Variants in PRKRIP1 observed in about 807,000 individuals in gnomAD.
PRKRIP1 encodes PRKR interacting protein 1.
PRKRIP1 carries 29 observed loss-of-function variants against 29.3 expected under a neutral mutation model. The ratio of observed to expected loss-of-function variants is 0.99; its 90% confidence interval spans 0.74 to 1.35. The LOEUF is 1.35. Ranked by LOEUF, PRKRIP1 falls within the 40% of genes most tolerant of loss-of-function variation. PRKRIP1 has a pLI of 0.00. For missense variants in PRKRIP1, 247 were observed against 236.8 expected (o/e 1.04, Z -0.28); for synonymous variants, 90 against 85.1 (o/e 1.06, Z -0.32).
chr7:102,425,212 C>T lies in PRKRIP1; in HGVS notation c.*101C>T, dbSNP rs550782888. 2.3e-4 allele frequency: 354 copies of T among 1,528,368 alleles called. 1 individual carries two copies. In the African/African-American group the frequency reaches 4.4e-3, roughly 19 times the overall value. 94.7% of individuals were successfully genotyped at this position (1,528,368 alleles called of 1,614,324 possible). A position where few individuals can be genotyped will look rare whatever the true frequency, so the allele number is the denominator to read the frequency against. On this transcript the variant is annotated 3_prime_UTR_variant, in exon 6 of 6. Coordinates refer to ENST00000397912, the MANE Select transcript of PRKRIP1 (RefSeq NM_024653.4). Reference sequence around the variant, plus strand: ...TCTCCCCCGCAAGGACCCGCTGACCCGCTGGATGGAGAGCAAAGGAGACCC... The same window carrying T: ...TCTCCCCCGCAAGGACCCGCTGACCTGCTGGATGGAGAGCAAAGGAGACCC...
At chr7:102,397,518 C>A in intron 1 of PRKRIP1, 102 bp from the exon 2 acceptor site, 2 of 932,206 alleles carry the variant, frequency 2.1e-6, no homozygotes, top group African/African-American at 1.6e-5. Context: ...TGCACTCCAG[C>A]CTGAGGAACA....
At chr7:102,418,197 G>A (rs1285248255) in intron 5 of PRKRIP1, among the ~76,000 whole-genome samples, 2 of 151,656 alleles carry the variant, frequency 1.3e-5, no homozygotes, top group East Asian at 1.9e-4. Flanking sequence ...TTATAGGCAC[G>A]TGCCACCACA....
chr7:102,418,901 G>A lies in PRKRIP1; in HGVS notation c.458-6113G>A, dbSNP rs1468887000. 4.0e-5 allele frequency among the ~76,000 whole-genome samples: 6 copies of A among 151,670 alleles called. No individual in the cohort carries two copies. The East Asian group carries it at 7.8e-4, about 20-fold the overall frequency. ...ATTTGAGACGATGTTACATTTTATC[G>A]CCCAAGCTGGTCTTGAACTCCTGGG... On this transcript the variant is annotated intron_variant, in intron 5 of 5. Transcript: ENST00000397912.
At chr7:102,422,340 ATT>A (rs1196765456) in intron 5 of PRKRIP1, among the ~76,000 whole-genome samples, 1 of 143,960 alleles carries the variant, frequency 6.9e-6, no homozygotes, top group East Asian at 2.0e-4. Flanking sequence ...TGCCTGGCTA[ATT>A]TTTTTTTTTT....
At chr7:102,411,799 ATT>A (rs1192143891) in intron 5 of PRKRIP1, among the ~76,000 whole-genome samples, 1 of 63,848 alleles carries the variant, frequency 1.6e-5, no homozygotes, top group Non-Finnish European at 3.1e-5. Context: ...ACCAACACTT[ATT>A]TTCTGTTTTT....
At chr7:102,421,516 AG>A (rs1474982310) in intron 5 of PRKRIP1, among the ~76,000 whole-genome samples, 5 of 152,200 alleles carry the variant, frequency 3.3e-5, no homozygotes, top group Non-Finnish European at 7.4e-5. Flanking sequence ...TCAAAAAAAA[AG>A]GCCGGGTGTG....
intron 4 of PRKRIP1, among the ~76,000 whole-genome samples, 153 bp downstream of exon 4, chr7:102,404,836 C>A (rs1470865292): frequency 6.6e-6 from 1 of 152,106 alleles, no homozygotes; most frequent in Non-Finnish European, 1.5e-5. Flanking sequence ...AGAGCAAGTT[C>A]CTTATGACCC....
intron 1 of PRKRIP1, 126 bp downstream of exon 1, chr7:102,396,663 GA>G: frequency 4.8e-6 from 5 of 1,039,490 alleles, no homozygotes; most frequent in Non-Finnish European, 6.9e-6. Flanking sequence ...GACCCTCCAA[GA>G]GCAGTCTTTG....
rs189916958 is a variant in PRKRIP1, at chr7:102,423,349, C to T, written c.458-1665C>T. 1.1e-3 allele frequency: 387 copies of T among 367,856 alleles called. 1 individual carries two copies. The highest frequency in any genetic ancestry group is 2.0e-3 in the Admixed American group (60 of 29,364). 22.8% of individuals were successfully genotyped at this position (367,856 alleles called of 1,614,324 possible). ...CAGGCTGGTCTCAAACTCCTGACCT[C>T]GTGATCCATCCACCTCGGCCTCCCA... is the stretch of plus-strand genomic sequence containing the variant. On this transcript the variant is annotated intron_variant, in intron 5 of 5. Coordinates refer to ENST00000397912, the MANE Select transcript of PRKRIP1 (RefSeq NM_024653.4).
chr7:102,417,691 T>C (rs1554573298), intron 5 of PRKRIP1, among the ~76,000 whole-genome samples: 1 of 146,678 alleles, frequency 6.8e-6, no homozygotes, highest in Non-Finnish European at 1.5e-5. Flanking sequence ...CCATCATAGC[T>C]CACTGCATCC....
chr7:102,425,067 A>G lies in PRKRIP1; in HGVS notation c.511A>G (p.Thr171Ala). ...CAGCAGCTCTGCGGAGGCATCTGGA[A>G]CAGAGGAGGAGGAGGAAGTGCCCAG... ...GSSSSAEASG[T>A]EEEEEVPSFT... is the part of the protein sequence containing the mutation. Residue 171 changes from threonine to alanine, a missense_variant, in exon 6 of 6, where the codon ACA becomes GCA. Thr to Ala is a moderately conservative substitution (Grantham distance 58). Coordinates refer to ENST00000397912, the MANE Select transcript of PRKRIP1 (RefSeq NM_024653.4). 6.2e-7 allele frequency: 1 copy of G among 1,613,760 alleles called. No individual in the cohort carries two copies.
intron 2 of PRKRIP1, 108 bp downstream of exon 2, chr7:102,397,806 G>T: frequency 2.0e-6 from 2 of 979,002 alleles, no homozygotes; most frequent in Non-Finnish European, 3.1e-6. Flanking sequence ...AGCACTTTGG[G>T]AGGCCGAGGC....
chr7:102,399,548 G>T lies in PRKRIP1; in HGVS notation c.206G>T (p.Gly69Val). The T allele has an allele frequency of 6.2e-7, 1 of 1,613,640 alleles. No homozygotes were observed. Among genetic ancestry groups the T allele is most frequent in the Middle Eastern group, 1.7e-4 (1 of 6,060 alleles). The change falls in exon 3 of 6, where the codon GGT (glycine) becomes GTT (valine). Residue 69 changes from glycine (G) to valine (V), a missense_variant and splice_region_variant. Around this residue, in one of 3 missense-constraint regions of PRKRIP1, gnomAD observed 8 missense variants for 29.9 expected, o/e 0.27. Transcript: ENST00000397912. ...PPPEFVRDVM[G>V]SSAGAGSGEF... ...GAACTGTGGACTGTTCTGGCTACAG[G>T]TTCAAGTGCTGGGGCCGGCAGTGGA...
Position 102,414,929 on chromosome 7 carries a change from T to C in PRKRIP1, c.457+7431T>C, listed in dbSNP as rs185857377. On this transcript the variant is annotated intron_variant, in intron 5 of 5. Coordinates refer to ENST00000397912, the MANE Select transcript of PRKRIP1 (RefSeq NM_024653.4). Reference sequence around the variant, plus strand: ...AATAATAAAGATAAATTTCTAACCATGGGAATTACTATATCACAGAGTATA... The same window carrying C: ...AATAATAAAGATAAATTTCTAACCACGGGAATTACTATATCACAGAGTATA... Among the ~76,000 whole-genome samples the C allele has an allele frequency of 1.2e-3, 186 of 152,094 alleles. 1 individual carries two copies. Among genetic ancestry groups the C allele is most frequent in the African/African-American group, 4.2e-3 (175 of 41,520 alleles).
chr7:102,407,506 G>C lies in PRKRIP1; in HGVS notation c.457+8G>C, dbSNP rs782735024. 6.2e-7 allele frequency: 1 copy of C among 1,606,586 alleles called. No homozygotes were observed. Among genetic ancestry groups the C allele is most frequent in the East Asian group, 2.2e-5 (1 of 44,854 alleles). ...AACAGAAGAAACAAGAAGGTGAGTGGTGCCCACTTTTCTTGGCTGTAGCTT... is the reference window on the plus strand; with the variant it reads ...AACAGAAGAAACAAGAAGGTGAGTGCTGCCCACTTTTCTTGGCTGTAGCTT... On this transcript the variant is annotated splice_region_variant and intron_variant, in intron 5 of 5. Coordinates refer to ENST00000397912, the MANE Select transcript of PRKRIP1 (RefSeq NM_024653.4).
chr7:102,400,451 A>C (rs1554571052), intron 3 of PRKRIP1, among the ~76,000 whole-genome samples: 2 of 152,228 alleles, frequency 1.3e-5, no homozygotes, highest in Admixed American at 6.5e-5. Flanking sequence ...CTTGCACGAA[A>C]GAGACCATAT....
chr7:102,422,392 T>C (rs1316901943), intron 5 of PRKRIP1, among the ~76,000 whole-genome samples: 1 of 151,006 alleles, frequency 6.6e-6, no homozygotes, highest in Non-Finnish European at 1.5e-5. Context: ...TAGAGTGAAG[T>C]GGCATGATCT....
Position 102,407,462 on chromosome 7 carries a change from G to C in PRKRIP1, c.421G>C (p.Ala141Pro), listed in dbSNP as rs782596621. 6.2e-7 allele frequency: 1 copy of C among 1,612,840 alleles called. No homozygotes were observed. The highest frequency in any genetic ancestry group is 1.3e-5 in the African/African-American group (1 of 74,998). ...RQKLKEKKLL[A>P]KKMKLEQKKQ... ...GAAGTTAAAAGAGAAGAAATTACTG[G>C]CAAAGAAGATGAAACTTGAACAGAA... is the stretch of plus-strand genomic sequence containing the variant. Residue 141 changes from alanine (A) to proline (P), a missense_variant, in exon 5 of 6, where the codon GCA becomes CCA. Coordinates refer to ENST00000397912, the MANE Select transcript of PRKRIP1 (RefSeq NM_024653.4).
intron 5 of PRKRIP1, among the ~76,000 whole-genome samples, chr7:102,411,427 C>A (rs1210245852): frequency 1.8e-4 from 28 of 151,804 alleles, no homozygotes; most frequent in African/African-American, 6.8e-4. Flanking sequence ...GCTCTATCAC[C>A]TAGGCCGGAG....
Sources: allele counts gnomAD v4.1 joint callset (sites outside exome capture counted in the v4.1 genomes callset), GRCh38; gene constraint gnomAD v4.1.1; regional missense constraint gnomAD v4.1.1; transcripts MANE v1.5; gene names NCBI Gene and HGNC (gene_info 2026-07-23, HGNC 2026-07-21).